Variants in PSMC6 observed in about 807,000 individuals in gnomAD.
PSMC6 encodes the protein 26S proteasome regulatory subunit 10B.
Under a neutral mutation model 55.9 loss-of-function variants are expected in PSMC6, and 3 were observed. That is an observed-to-expected ratio of 0.05 (90% CI 0.02 to 0.14). The LOEUF (loss-of-function observed/expected upper bound fraction) is 0.14. Ranked by LOEUF, PSMC6 falls within the 10% of genes least tolerant of loss-of-function variation. The probability of loss-of-function intolerance (pLI) is 1.00; values close to 1 mark genes in which losing one functional copy is unlikely to be tolerated. For missense variants in PSMC6, 210 were observed against 478.7 expected (o/e 0.44, Z 5.24); for synonymous variants, 137 against 155.9 (o/e 0.88, Z 0.90).
At chr14:52,710,976 A>G in intron 4 of PSMC6, 125 bp from the exon 5 acceptor site, 1 of 845,020 alleles carries the variant, frequency 1.2e-6, no homozygotes. Context: ...TAGAGTTTAT[A>G]ATCTGATATT....
chr14:52,714,754 T>A (rs1302371249), intron 7 of PSMC6, among the ~76,000 whole-genome samples: 1 of 150,276 alleles, frequency 6.7e-6, no homozygotes, highest in Admixed American at 6.7e-5. Context: ...TAATCCCAGC[T>A]ACTCGGGAAG....
intron 7 of PSMC6, 68 bp downstream of exon 7, chr14:52,714,036 A>G (rs1285359738): frequency 9.1e-7 from 1 of 1,103,260 alleles, no homozygotes. Context: ...AAAAAAAGAC[A>G]ATTTTTTTAT....
intron 13 of PSMC6, among the ~76,000 whole-genome samples, chr14:52,724,257 G>C (rs1053233414): frequency 6.6e-6 from 1 of 152,168 alleles, no homozygotes; most frequent in Non-Finnish European, 1.5e-5. Context: ...CTGTAGGAAA[G>C]GGAGGTTAGA....
At chr14:52,712,384 TA>T (rs35697515) in intron 6 of PSMC6, among the ~76,000 whole-genome samples, 9 of 139,392 alleles carry the variant, frequency 6.5e-5, no homozygotes, top group South Asian at 2.3e-4. Context: ...GGTCTAAGTG[TA>T]AAAAAAAAAG....
chr14:52,709,547 T>A, intron 4 of PSMC6: 1 of 448,710 alleles, frequency 2.2e-6, no homozygotes, highest in Non-Finnish European at 4.4e-6. Flanking sequence ...ATACCTAAAC[T>A]GACAAGGGAT....
chr14:52,718,608 A>G (rs892542636), intron 9 of PSMC6: 1 of 415,010 alleles, frequency 2.4e-6, no homozygotes, highest in African/African-American at 2.0e-5. Context: ...CAACATGGTG[A>G]AACCCTGTCT....
intron 13 of PSMC6, among the ~76,000 whole-genome samples, chr14:52,726,550 G>A (rs1032967754): frequency 1.8e-4 from 28 of 152,128 alleles, no homozygotes; most frequent in African/African-American, 6.3e-4. Context: ...CTTAAAATGT[G>A]TATGTGTTGG....
At chr14:52,718,513 G>A (rs575209974) in intron 9 of PSMC6, 161 bp downstream of exon 9, 13 of 791,078 alleles carry the variant, frequency 1.6e-5, no homozygotes, top group African/African-American at 1.4e-4. Context: ...TCATGGCCGG[G>A]TGTGGTGGCT....
At position 52,711,797 on chromosome 14, in the gene PSMC6, C is replaced by G. The variant is rs2041775960; in HGVS notation, c.441+273C>G. Among the ~76,000 whole-genome samples the G allele has an allele frequency of 2.0e-5, 3 of 152,064 alleles. No homozygotes were observed. The South Asian group carries it at 6.2e-4, about 32-fold the overall frequency. ...AAAAGCTAAAAATAATTGATGTAAT[C>G]TGATATCCTGTGGTTTTGATTATCA... is the stretch of plus-strand genomic sequence containing the variant. On this transcript the variant is annotated intron_variant, in intron 6 of 13. Transcript: ENST00000445930.
At chr14:52,713,768 T>A in intron 6 of PSMC6, 113 bp from the exon 7 acceptor site, 1 of 589,548 alleles carries the variant, frequency 1.7e-6, no homozygotes, top group Non-Finnish European at 2.9e-6. Flanking sequence ...AGTCTAGGTC[T>A]ATTAAGAATT....
chr14:52,720,315 C>T (rs1201162889), intron 10 of PSMC6, among the ~76,000 whole-genome samples: 2 of 114,270 alleles, frequency 1.8e-5, no homozygotes, highest in Non-Finnish European at 3.3e-5. Context: ...TTGCAGTGAG[C>T]GATGATCAGG....
chr14:52,717,330 ATTTTTT>A (rs71125121), intron 7 of PSMC6, among the ~76,000 whole-genome samples: 3 of 110,734 alleles, frequency 2.7e-5, no homozygotes, highest in Admixed American at 1.1e-4. Context: ...GTACTTTGGA[ATTTTTT>A]TTTTTTTTTT....
At chr14:52,718,581 GATCGAGACC>G (rs2041855865) in intron 9 of PSMC6, 9 of 456,850 alleles carry the variant, frequency 2.0e-5, no homozygotes, top group Non-Finnish European at 3.5e-5. Flanking sequence ...CAGGTCAGGA[GATCGAGACC>G]ATCTGGCCAA....
chr14:52,719,723 A>G (rs1042646283), intron 10 of PSMC6, among the ~76,000 whole-genome samples: 1 of 152,242 alleles, frequency 6.6e-6, no homozygotes, highest in Admixed American at 6.5e-5. Context: ...AAAATCTCTT[A>G]GAAACCTTAA....
rs184869229 is a variant in PSMC6 at position 52,724,158 on chromosome 14, T to C, written c.1051+122T>C. On this transcript the variant is annotated intron_variant, in intron 13 of 13. Transcript: ENST00000445930. ...AGGATTTGGGTTCATGCTGTTCTTT[T>C]AGGAATCGATTCCAGGAAATAGGAG... 3.9e-4 allele frequency: 323 copies of C among 825,026 alleles called. No individual in the cohort carries two copies. In the African/African-American group the frequency reaches 5.4e-3, roughly 14 times the overall value. The allele number at this position is 825,026 out of a possible 1,614,324, so 51.1% of individuals were successfully genotyped here.
chr14:52,725,701 A>C (rs993153596), intron 13 of PSMC6, among the ~76,000 whole-genome samples: 1 of 152,164 alleles, frequency 6.6e-6, no homozygotes, highest in Non-Finnish European at 1.5e-5. Context: ...TTTTTTGTAG[A>C]GACGGGTTTC....
intron 13 of PSMC6, among the ~76,000 whole-genome samples, chr14:52,727,046 G>A (rs1880447664): frequency 7.6e-6 from 1 of 131,776 alleles, no homozygotes; most frequent in Non-Finnish European, 1.6e-5. Flanking sequence ...TTTTGAGATG[G>A]GGTCTCGCTC....
At chr14:52,714,861 T>TG (rs2041812860) in intron 7 of PSMC6, among the ~76,000 whole-genome samples, 1 of 116,996 alleles carries the variant, frequency 8.5e-6, no homozygotes. Flanking sequence ...GTGAGACTCC[T>TG]TCTCAAAAAA....
chr14:52,724,081 A>G, intron 13 of PSMC6, 45 bp downstream of exon 13: 3 of 1,553,082 alleles, frequency 1.9e-6, no homozygotes, highest in Non-Finnish European at 2.7e-6. Context: ...TGATTTTTAA[A>G]ATTTGCTGAA....
Sources: gnomAD v4.1 joint callset for allele counts (sites outside exome capture counted in the v4.1 genomes callset) on GRCh38, gnomAD v4.1.1 for gene constraint, MANE v1.5 for transcripts, NCBI Gene and HGNC (gene_info 2026-07-23, HGNC 2026-07-21) for gene names.